The following LRRC28 variants were observed in gnomAD, a reference collection of about 807,000 sequenced individuals.
The protein encoded by LRRC28 is leucine-rich repeat-containing protein 28.
A neutral mutation model predicts 45.7 loss-of-function variants in LRRC28; 39 were observed. That is an observed-to-expected ratio of 0.85 (90% CI 0.66 to 1.12). LRRC28 has a LOEUF of 1.12. LRRC28 is among the 50% of genes most tolerant of loss of function. LRRC28 has a pLI of 0.00. For synonymous variants in LRRC28, 206 were observed against 178.8 expected (o/e 1.15, Z -1.22); for missense variants, 435 against 438.5 (o/e 0.99, Z 0.07).
At chr15:99,312,396 C>A (rs1440611372) in intron 5 of LRRC28, among the ~76,000 whole-genome samples, 2 of 152,172 alleles carry the variant, frequency 1.3e-5, no homozygotes, top group Non-Finnish European at 2.9e-5. Context: ...TGTCTTCCAC[C>A]TCTAATCTTT....
chr15:99,324,846 A>G (rs1955919190), intron 5 of LRRC28, among the ~76,000 whole-genome samples: 1 of 152,174 alleles, frequency 6.6e-6, no homozygotes. Flanking sequence ...TGGTGTGAAA[A>G]GAGTAGGATT....
intron 2 of LRRC28, among the ~76,000 whole-genome samples, chr15:99,265,703 G>T (rs978601772): frequency 6.6e-6 from 1 of 152,186 alleles, no homozygotes; most frequent in Admixed American, 6.6e-5. Flanking sequence ...CCAGGAAGCG[G>T]GTGTTTCATG....
In LRRC28 at chr15:99,334,134, GT is replaced by G. The variant is rs1567672298; in HGVS notation, c.592+6del. 1.9e-6 allele frequency: 3 copies of G among 1,614,078 alleles called. No homozygotes were observed. In the Admixed American group the frequency reaches 5.0e-5, roughly 27 times the overall value. On this transcript the variant is annotated splice_donor_region_variant and intron_variant, in intron 6 of 9. Transcript: ENST00000301981. ...GTCTTGCATTTTTGCCACTTGGTAA[GT>G]GATTGTGTTTAAAGTAAAGCAGCCA...
rs1374556116 is a variant in LRRC28 at position 99,390,374 on chromosome 15, G to T, written c.*4272G>T. ...TGGATGGGCAGAAGGTGTAGCATTC[G>T]GAGATTATTTCTGTATGTAATTAAG... On this transcript the variant is annotated 3_prime_UTR_variant, in exon 10 of 10. Transcript: ENST00000301981. 1.3e-5 allele frequency: 2 copies of T among 152,034 alleles called. No homozygotes were observed. The highest frequency in any genetic ancestry group is 4.8e-5 in the African/African-American group (2 of 41,288). 9.4% of individuals were successfully genotyped at this position (152,034 alleles called of 1,614,324 possible). A position where few individuals can be genotyped will look rare whatever the true frequency, so the allele number is the denominator to read the frequency against.
At chr15:99,281,602 A>G (rs1329396551) in intron 3 of LRRC28, among the ~76,000 whole-genome samples, 7 of 152,060 alleles carry the variant, frequency 4.6e-5, no homozygotes, top group African/African-American at 1.2e-4. Flanking sequence ...TCTCCTGGTT[A>G]TGGGTCATAT....
chr15:99,340,391 A>C (rs145884028), intron 6 of LRRC28, among the ~76,000 whole-genome samples: 1 of 152,218 alleles, frequency 6.6e-6, no homozygotes, highest in Non-Finnish European at 1.5e-5. Flanking sequence ...TCTTGTTCCT[A>C]CTTTCTCTGT....
At chr15:99,303,476 A>C (rs1487254373) in intron 5 of LRRC28, among the ~76,000 whole-genome samples, 1 of 152,214 alleles carries the variant, frequency 6.6e-6, no homozygotes, top group African/African-American at 2.4e-5. Flanking sequence ...TTAATGAGTA[A>C]ATTGATAAGG....
At chr15:99,325,111 G>T (rs184318798) in intron 5 of LRRC28, among the ~76,000 whole-genome samples, 1 of 151,964 alleles carries the variant, frequency 6.6e-6, no homozygotes, top group African/African-American at 2.4e-5. Flanking sequence ...TTCTCTCAAC[G>T]GTATTTTGCA....
At chr15:99,349,707 C>T (rs1034873086) in intron 6 of LRRC28, among the ~76,000 whole-genome samples, 37 of 152,158 alleles carry the variant, frequency 2.4e-4, no homozygotes, top group African/African-American at 7.5e-4. Flanking sequence ...GTCCCTGATA[C>T]GTAAAGGACT....
At chr15:99,258,896 A>G (rs2081108336) in intron 2 of LRRC28, 2 of 716,546 alleles carry the variant, frequency 2.8e-6, no homozygotes, top group African/African-American at 3.5e-5. Context: ...TACGATGCCT[A>G]AGAACCTGAA....
intron 6 of LRRC28, among the ~76,000 whole-genome samples, chr15:99,351,772 T>C (rs566986520): frequency 6.6e-6 from 1 of 152,330 alleles, no homozygotes; most frequent in African/African-American, 2.4e-5. Flanking sequence ...GAAGACTTTA[T>C]TTGAGACCAT....
intron 5 of LRRC28, among the ~76,000 whole-genome samples, chr15:99,330,712 G>A (rs999400387): frequency 2.0e-5 from 3 of 152,064 alleles, no homozygotes; most frequent in African/African-American, 7.2e-5. Context: ...CACATCTAAT[G>A]TAATTATTGA....
intron 3 of LRRC28, among the ~76,000 whole-genome samples, chr15:99,279,500 C>T (rs760946423): frequency 2.2e-4 from 33 of 152,292 alleles, no homozygotes; most frequent in Non-Finnish European, 4.3e-4. Flanking sequence ...ACTGGGTCTT[C>T]CAGGGAACCT....
intron 2 of LRRC28, among the ~76,000 whole-genome samples, chr15:99,269,748 C>A (rs1394761029): frequency 2.0e-5 from 3 of 152,164 alleles, no homozygotes; most frequent in African/African-American, 7.2e-5. Context: ...TTCAGTTCCT[C>A]CATCACATAG....
At chr15:99,379,872 A>G (rs970099691) in intron 9 of LRRC28, among the ~76,000 whole-genome samples, 4 of 152,124 alleles carry the variant, frequency 2.6e-5, no homozygotes, top group Admixed American at 2.6e-4. Context: ...TCTTAATCCT[A>G]AGTTCTAGTT....
In LRRC28 at chr15:99,387,172, T is replaced by G. The variant is rs868305065; in HGVS notation, c.*1070T>G. ...GCCTCCCGGGTTCACGCCATTCTCCTGCCTCAGCCTCCCAAGTAGCTGGGA... is the reference window on the plus strand; with the variant it reads ...GCCTCCCGGGTTCACGCCATTCTCCGGCCTCAGCCTCCCAAGTAGCTGGGA... On this transcript the variant is annotated 3_prime_UTR_variant, in exon 10 of 10. Transcript: ENST00000301981. The G allele has an allele frequency of 2.0e-5, 3 of 147,802 alleles. No individual in the cohort carries two copies. Among genetic ancestry groups the G allele is most frequent in the African/African-American group, 5.0e-5 (2 of 40,070 alleles). The allele number at this position is 147,802 out of a possible 1,614,324, so 9.2% of individuals were successfully genotyped here. A position where few individuals can be genotyped will look rare whatever the true frequency, so the allele number is the denominator to read the frequency against.
chr15:99,311,872 C>A (rs1955426045), intron 5 of LRRC28, among the ~76,000 whole-genome samples: 1 of 152,062 alleles, frequency 6.6e-6, no homozygotes, highest in Admixed American at 6.6e-5. Flanking sequence ...TTTTAAAAAA[C>A]CCTAAAGATT....
intron 9 of LRRC28, among the ~76,000 whole-genome samples, chr15:99,365,861 A>G (rs1957325143): frequency 6.6e-6 from 1 of 152,240 alleles, no homozygotes; most frequent in South Asian, 2.1e-4. Flanking sequence ...ACTTTCAAAT[A>G]TTTATAGCAA....
chr15:99,285,448 A>G, intron 3 of LRRC28: 1 of 825,932 alleles, frequency 1.2e-6, no homozygotes. Context: ...TCCCATGACC[A>G]CACAGTCCGT....
Sources: gnomAD v4.1 joint callset for allele counts (sites outside exome capture counted in the v4.1 genomes callset) on GRCh38, gnomAD v4.1.1 for gene constraint, MANE v1.5 for transcripts, NCBI Gene and HGNC (gene_info 2026-07-23, HGNC 2026-07-21) for gene names.